Variants in NOS1 observed in about 807,000 individuals in gnomAD.
NOS1 encodes the protein NOS type I.
Under a neutral mutation model 164.5 loss-of-function variants are expected in NOS1, and 51 were observed. That is an observed-to-expected ratio of 0.31 (90% CI 0.25 to 0.39). The LOEUF is 0.39. Ranked by LOEUF, NOS1 falls within the 10% of genes least tolerant of loss-of-function variation. The pLI is 1.00. For synonymous variants in NOS1, 719 were observed against 745.8 expected (o/e 0.96, Z 0.59); for missense variants, 1,362 against 1,885.6 (o/e 0.72, Z 5.14).
In NOS1 at chr12:117,215,078, G is replaced by T. The variant is rs1367558410; in HGVS notation, c.*231C>A. The T allele has an allele frequency of 1.6e-6, 2 of 1,224,622 alleles. No individual in the cohort carries two copies. The highest frequency in any genetic ancestry group is 1.6e-5 in the African/African-American group (1 of 64,142). 75.9% of individuals were successfully genotyped at this position (1,224,622 alleles called of 1,614,324 possible). ...AGAGAGGGAGTGGGAACAGAGTTTT[G>T]TAAGAGCCACTGCAGATTAGAAAAG... On this transcript the variant is annotated 3_prime_UTR_variant, in exon 29 of 29. Coordinates refer to ENST00000317775, the MANE Select transcript of NOS1 (RefSeq NM_000620.5).
intron 2 of NOS1, among the ~76,000 whole-genome samples, chr12:117,326,127 T>C (rs1875232079): frequency 6.6e-6 from 1 of 151,012 alleles, no homozygotes; most frequent in South Asian, 2.1e-4. Context: ...GGCTCACTCC[T>C]GTAATCCCAG....
In NOS1 at chr12:117,287,478, G is replaced by A. The variant is rs550716546; in HGVS notation, c.1127+596C>T. On this transcript the variant is annotated intron_variant, in intron 5 of 28. Transcript: ENST00000317775. ...TTTGAGATGGAGTCTCGCTCTGTTCGCCCAGGCTGGAGTGCAGTGGTGTGA... is the reference window on the plus strand; with the variant it reads ...TTTGAGATGGAGTCTCGCTCTGTTCACCCAGGCTGGAGTGCAGTGGTGTGA... 5.3e-5 allele frequency among the ~76,000 whole-genome samples: 8 copies of A among 151,612 alleles called. No individual in the cohort carries two copies. The South Asian group carries it at 1.5e-3, about 28-fold the overall frequency.
chr12:117,255,573 G>T (rs996729496), intron 16 of NOS1, among the ~76,000 whole-genome samples: 1 of 152,224 alleles, frequency 6.6e-6, no homozygotes, highest in Non-Finnish European at 1.5e-5. Flanking sequence ...ATATCAGGGG[G>T]TGGCTGTGTT....
At chr12:117,257,232 C>T (rs1054319195) in intron 16 of NOS1, among the ~76,000 whole-genome samples, 1 of 151,808 alleles carries the variant, frequency 6.6e-6, no homozygotes, top group African/African-American at 2.4e-5. Context: ...TTCAGGTGCA[C>T]ACTACCATGC....
chr12:117,208,563 C>G lies in NOS1; in HGVS notation c.*6746G>C. The G allele has an allele frequency of 8.3e-7, 1 of 1,203,112 alleles. No individual in the cohort carries two copies. The highest frequency in any genetic ancestry group is 1.6e-5 in the African/African-American group (1 of 63,272). The allele number at this position is 1,203,112 out of a possible 1,614,324, so 74.5% of individuals were successfully genotyped here. ...GGAGTGTGAGTCTTAACAATCACAA[C>G]GAGAACACAACAATGAAAACAGTGG... On this transcript the variant is annotated 3_prime_UTR_variant, in exon 29 of 29. Coordinates refer to ENST00000317775, the MANE Select transcript of NOS1 (RefSeq NM_000620.5).
chr12:117,253,802 C>T, intron 16 of NOS1, 48 bp from the exon 17 acceptor site: 2 of 1,248,718 alleles, frequency 1.6e-6, no homozygotes, highest in East Asian at 4.6e-5. Flanking sequence ...GAGCTCCCTC[C>T]TGAGGTCAAC....
chr12:117,280,059 T>C (rs1873506334), intron 8 of NOS1, among the ~76,000 whole-genome samples: 1 of 152,198 alleles, frequency 6.6e-6, no homozygotes, highest in Admixed American at 6.5e-5. Context: ...AGACACGGGA[T>C]GTGCTTGTGC....
intron 16 of NOS1, among the ~76,000 whole-genome samples, chr12:117,257,739 C>A (rs1461794378): frequency 6.7e-6 from 1 of 149,744 alleles, no homozygotes; most frequent in Non-Finnish European, 1.5e-5. Context: ...CCATGCCTGA[C>A]TGCCTTGCAC....
chr12:117,329,203 G>A (rs576266537), intron 2 of NOS1, among the ~76,000 whole-genome samples: 1 of 152,298 alleles, frequency 6.6e-6, no homozygotes. Flanking sequence ...CCCAATGGCA[G>A]GGGATTTGTT....
At position 117,274,076 on chromosome 12, in the gene NOS1, G is replaced by A. The variant is rs745696809; in HGVS notation, c.1665-1517C>T. 4.6e-5 allele frequency among the ~76,000 whole-genome samples: 7 copies of A among 152,066 alleles called. No individual in the cohort carries two copies. The South Asian group carries it at 1.2e-3, about 27-fold the overall frequency. On this transcript the variant is annotated intron_variant, in intron 9 of 28. Transcript: ENST00000317775. ...TCTGAAAACTATTCATCCACCAAGG[G>A]ATTAATATCCAGAATATACAAGGAA...
intron 1 of NOS1, among the ~76,000 whole-genome samples, chr12:117,340,873 A>ATTTTTTTTTTTTTT (rs56322341): frequency 5.1e-4 from 53 of 104,474 alleles, no homozygotes; most frequent in African/African-American, 6.4e-4. Context: ...ACACCTGGCT[A>ATTTTTTTTTTTTTT]TTTTTTTTTT....
At chr12:117,232,634 G>A (rs186434151) in intron 21 of NOS1, among the ~76,000 whole-genome samples, 3 of 152,148 alleles carry the variant, frequency 2.0e-5, no homozygotes. Context: ...GAGAAAAATA[G>A]AAGCATGGAG....
chr12:117,321,978 TTCTCTCCTTCCTTCCCTCCC>T (rs767865026), intron 2 of NOS1, among the ~76,000 whole-genome samples: 2 of 97,086 alleles, frequency 2.1e-5, no homozygotes, highest in South Asian at 4.3e-4. Flanking sequence ...CCTTCCCTCC[TTCTCTCCTTCCTTCCCTCCC>T]TCTCTCCTTC....
chr12:117,231,748 T>C (rs745582025), intron 22 of NOS1, among the ~76,000 whole-genome samples: 1 of 152,200 alleles, frequency 6.6e-6, no homozygotes, highest in African/African-American at 2.4e-5. Context: ...CAGGGAACTG[T>C]TGATTCAAGG....
At chr12:117,319,147 G>A in intron 2 of NOS1, among the ~76,000 whole-genome samples, 1 of 152,148 alleles carries the variant, frequency 6.6e-6, no homozygotes, top group East Asian at 1.9e-4. Context: ...GAACTTCTGG[G>A]CTCAAGTGAT....
intron 2 of NOS1, among the ~76,000 whole-genome samples, chr12:117,326,012 T>A (rs1875226988): frequency 6.6e-6 from 1 of 152,154 alleles, no homozygotes; most frequent in Non-Finnish European, 1.5e-5. Flanking sequence ...TGAATTAGCA[T>A]CCAGTTAGTA....
chr12:117,326,335 G>A (rs1395678989), intron 2 of NOS1, among the ~76,000 whole-genome samples: 1 of 148,262 alleles, frequency 6.7e-6, no homozygotes, highest in African/African-American at 2.5e-5. Context: ...GCAGTGAGCC[G>A]AGATCATACC....
At position 117,209,664 on chromosome 12, in the gene NOS1, G is replaced by A. The variant is rs1956498236; in HGVS notation, c.*5645C>T. ...ATATTGACAGCTGACCACCTCCCTC[G>A]CACATGGCTTTGATAAGTATTAATA... On this transcript the variant is annotated 3_prime_UTR_variant, in exon 29 of 29. Coordinates refer to ENST00000317775, the MANE Select transcript of NOS1 (RefSeq NM_000620.5). 8.1e-6 allele frequency: 8 copies of A among 985,432 alleles called. No individual in the cohort carries two copies. The highest frequency in any genetic ancestry group is 5.2e-4 in the Middle Eastern group (1 of 1,914). 61.0% of individuals were successfully genotyped at this position (985,432 alleles called of 1,614,324 possible). A position where few individuals can be genotyped will look rare whatever the true frequency, so the allele number is the denominator to read the frequency against.
chr12:117,351,605 A>G (rs1876622429), intron 1 of NOS1, among the ~76,000 whole-genome samples: 1 of 152,234 alleles, frequency 6.6e-6, no homozygotes, highest in African/African-American at 2.4e-5. Flanking sequence ...GAACCTGGAT[A>G]GTCAAGGGCA....
Sources: gnomAD v4.1 joint callset for allele counts (sites outside exome capture counted in the v4.1 genomes callset) on GRCh38, gnomAD v4.1.1 for gene constraint, MANE v1.5 for transcripts, NCBI Gene and HGNC (gene_info 2026-07-23, HGNC 2026-07-21) for gene names.